The following EPAS1 variants were observed in gnomAD, a reference collection of about 807,000 sequenced individuals.
EPAS1 encodes endothelial PAS domain-containing protein 1.
In EPAS1, 23 loss-of-function variants were observed where a neutral mutation model predicts 87.9. The observed-to-expected ratio is 0.26, with a 90% CI of 0.19 to 0.37. The LOEUF (loss-of-function observed/expected upper bound fraction) is 0.37. EPAS1 is among the 10% of genes least tolerant of loss of function. The pLI is 1.00. For missense variants in EPAS1, 1,138 were observed against 1,120.7 expected (o/e 1.02, Z -0.22); for synonymous variants, 508 against 444.3 (o/e 1.14, Z -1.80).
At chr2:46,384,184 G>A (rs981319063) in intron 15 of EPAS1, among the ~76,000 whole-genome samples, 8 of 152,184 alleles carry the variant, frequency 5.3e-5, no homozygotes, top group Admixed American at 5.2e-4. Flanking sequence ...GTGAGCATAG[G>A]TGCCAGGTGG....
intron 7 of EPAS1, among the ~76,000 whole-genome samples, chr2:46,372,246 G>C (rs188652378): frequency 1.0e-3 from 156 of 152,320 alleles, no homozygotes; most frequent in African/African-American, 3.5e-3. Flanking sequence ...AGGGAAATCT[G>C]CTTGGGTTGG....
At chr2:46,355,527 C>T (rs570629737) in intron 2 of EPAS1, among the ~76,000 whole-genome samples, 22 of 152,306 alleles carry the variant, frequency 1.4e-4, no homozygotes, top group Admixed American at 5.9e-4. Flanking sequence ...GCTACCTCGT[C>T]GGTCACTGTG....
intron 11 of EPAS1, 152 bp downstream of exon 11, chr2:46,378,919 A>G (rs1684820018): frequency 1.4e-6 from 1 of 722,706 alleles, no homozygotes; most frequent in Admixed American, 2.1e-5. Context: ...GTAGGGGTAC[A>G]GGGTAATGGA....
intron 2 of EPAS1, among the ~76,000 whole-genome samples, chr2:46,348,245 G>A (rs560317464): frequency 2.0e-5 from 3 of 152,288 alleles, no homozygotes; most frequent in South Asian, 2.1e-4. Flanking sequence ...GAGAGCCAAG[G>A]GGGAAGATAT....
At chr2:46,352,533 G>A (rs1017202103) in intron 2 of EPAS1, among the ~76,000 whole-genome samples, 1 of 152,192 alleles carries the variant, frequency 6.6e-6, no homozygotes, top group Admixed American at 6.5e-5. Flanking sequence ...GGGAAGACAC[G>A]ATGTTCATAG....
chr2:46,309,141 G>A (rs901136848), intron 1 of EPAS1, among the ~76,000 whole-genome samples: 3 of 152,252 alleles, frequency 2.0e-5, no homozygotes, highest in Non-Finnish European at 4.4e-5. Flanking sequence ...GGAGTTTGGT[G>A]TAGAGAACTG....
intron 6 of EPAS1, among the ~76,000 whole-genome samples, chr2:46,362,035 G>A (rs770649162): frequency 2.6e-5 from 4 of 152,188 alleles, no homozygotes. Context: ...GGCCTGGCTT[G>A]AGTAAGCGCC....
rs934591784 is a variant in EPAS1 at position 46,346,213 on chromosome 2, T to C, written c.27-660T>C. Among the ~76,000 whole-genome samples, 2 of 152,224 alleles carry C rather than the reference T, an allele frequency of 1.3e-5. No homozygotes were observed. Among genetic ancestry groups the C allele is most frequent in the African/African-American group, 4.8e-5 (2 of 41,456 alleles). The stretch of plus-strand genomic sequence containing the variant: ...GAGGCTGAGACAGCCTGGCAACCTA[T>C]GCTGGCAGGGCTTAGAGAGAAAATG... On this transcript the variant is annotated intron_variant, in intron 1 of 15. Coordinates refer to ENST00000263734, the MANE Select transcript of EPAS1 (RefSeq NM_001430.5). The surrounding 1 kb of genome is among the most constrained non-coding windows in gnomAD (Gnocchi z 4.0).
At chr2:46,343,079 C>T (rs1041998616) in intron 1 of EPAS1, among the ~76,000 whole-genome samples, 1 of 152,172 alleles carries the variant, frequency 6.6e-6, no homozygotes, top group Admixed American at 6.5e-5. Context: ...CAGGGTTGGA[C>T]CTGCTGCTTT....
rs1183888335 is a variant in EPAS1 at position 46,346,321 on chromosome 2, CT to C, written c.27-551del. On this transcript the variant is annotated intron_variant, in intron 1 of 15. Coordinates refer to ENST00000263734, the MANE Select transcript of EPAS1 (RefSeq NM_001430.5). The surrounding 1 kb of genome is among the most constrained non-coding windows in gnomAD (Gnocchi z 4.0). ...GGGTGTCTGGCTAACTGTTCTGGGG[CT>C]GTAATGGCATTTTCAGTTTTTACTG... 7.2e-5 allele frequency among the ~76,000 whole-genome samples: 11 copies of C among 152,206 alleles called. No individual in the cohort carries two copies. Among genetic ancestry groups the C allele is most frequent in the African/African-American group, 2.4e-4 (10 of 41,440 alleles).
chr2:46,308,933 G>A (rs3053627), intron 1 of EPAS1, among the ~76,000 whole-genome samples: 7,746 of 152,272 alleles, frequency 0.051, 659 homozygotes, highest in African/African-American at 0.17. Flanking sequence ...TTATTTGTAT[G>A]ATGCTTTTAC....
chr2:46,370,188 G>A (rs1363081621), intron 7 of EPAS1, among the ~76,000 whole-genome samples: 1 of 152,260 alleles, frequency 6.6e-6, no homozygotes, highest in Non-Finnish European at 1.5e-5. Context: ...AGCTGAGGCA[G>A]TGGAGGGTGG....
At chr2:46,309,967 G>A (rs956024724) in intron 1 of EPAS1, among the ~76,000 whole-genome samples, 10 of 152,214 alleles carry the variant, frequency 6.6e-5, no homozygotes, top group African/African-American at 2.4e-4. Context: ...GGTTGGAGGA[G>A]GCCATGATTT....
intron 3 of EPAS1, 56 bp from the exon 4 acceptor site, chr2:46,356,665 CTTG>C: frequency 7.3e-7 from 1 of 1,368,072 alleles, no homozygotes; most frequent in East Asian, 2.3e-5. Flanking sequence ...TCAGCTTACT[CTTG>C]GAGTCTTTTA....
rs1682914498 is a variant in EPAS1, at chr2:46,297,842, GC to G, written c.-68del. 3.2e-6 allele frequency: 5 copies of G among 1,577,586 alleles called. No individual in the cohort carries two copies. In the African/African-American group the frequency reaches 6.8e-5, roughly 21 times the overall value. On this transcript the variant is annotated 5_prime_UTR_variant, in exon 1 of 16. Coordinates refer to ENST00000263734, the MANE Select transcript of EPAS1 (RefSeq NM_001430.5). ...CCCGGGCCGCGGGGAGCGGACGAGG[GC>G]CACAGCCCCCCACCCGCCAGGGAGC...
At chr2:46,334,766 C>T (rs150451764) in intron 1 of EPAS1, among the ~76,000 whole-genome samples, 1 of 152,200 alleles carries the variant, frequency 6.6e-6, no homozygotes, top group African/African-American at 2.4e-5. Flanking sequence ...TCCCAAATTG[C>T]TCAATGTTAT....
At chr2:46,373,770 T>C (rs1684675534) in intron 7 of EPAS1, among the ~76,000 whole-genome samples, 2 of 152,202 alleles carry the variant, frequency 1.3e-5, no homozygotes, top group African/African-American at 4.8e-5. Context: ...TGAAGGTAAA[T>C]TTGACCCCAA....
rs543291311 is a variant in EPAS1 at position 46,303,253 on chromosome 2, G to A, written c.26+5316G>A. 1.4e-4 allele frequency among the ~76,000 whole-genome samples: 22 copies of A among 152,252 alleles called. No individual in the cohort carries two copies. The South Asian group carries it at 4.2e-3, about 29-fold the overall frequency. On this transcript the variant is annotated intron_variant, in intron 1 of 15. Coordinates refer to ENST00000263734, the MANE Select transcript of EPAS1 (RefSeq NM_001430.5). Reference sequence around the variant, plus strand: ...AAGAGTATTATGTGTATTTAGAGGTGGAGAAATTTGTTCCTAGTGTCCCCG... The same window carrying A: ...AAGAGTATTATGTGTATTTAGAGGTAGAGAAATTTGTTCCTAGTGTCCCCG...
intron 6 of EPAS1, among the ~76,000 whole-genome samples, chr2:46,367,599 C>T (rs572596072): frequency 6.6e-6 from 1 of 152,364 alleles, no homozygotes; most frequent in Non-Finnish European, 1.5e-5. Flanking sequence ...ATAATGTATC[C>T]ATTGCTAATG....
Sources: allele counts gnomAD v4.1 joint callset (sites outside exome capture counted in the v4.1 genomes callset), GRCh38; gene constraint gnomAD v4.1.1; non-coding constraint Gnocchi (gnomAD v3.1); transcripts MANE v1.5; gene names NCBI Gene and HGNC (gene_info 2026-07-23, HGNC 2026-07-21).